TNFRSF10D: variants seen among roughly 807,000 people sequenced by gnomAD.
The protein encoded by TNFRSF10D is TNF receptor superfamily member 10d, also known as tumor necrosis factor receptor superfamily member 10D.
TNFRSF10D carries 28 observed loss-of-function variants against 42.1 expected under a neutral mutation model. The observed-to-expected ratio is 0.66, with a 90% CI of 0.49 to 0.91. The LOEUF is 0.91. TNFRSF10D is among the 40% of genes least tolerant of loss of function. The pLI is 0.00. For missense variants in TNFRSF10D, 503 were observed against 486.1 expected (o/e 1.03, Z -0.33); for synonymous variants, 186 against 189.4 (o/e 0.98, Z 0.15).
chr8:23,154,962 G>T lies in TNFRSF10D; in HGVS notation c.168C>A (p.Ala56=), dbSNP rs767860773. Residue 56 remains alanine, a synonymous_variant, in exon 2 of 9, where the codon GCC becomes GCA. Coordinates refer to ENST00000312584, the MANE Select transcript of TNFRSF10D (RefSeq NM_003840.5). ...GAACTTCGTCCTGCCGGGGGATGGT[G>T]GCAGAGTCAACCCGGACCTGTGGGG... ...AVLLPVRVDS[A]TIPRQDEVPQ... 1.2e-6 allele frequency: 2 copies of T among 1,612,520 alleles called. No homozygotes were observed. The highest frequency in any genetic ancestry group is 1.7e-6 in the Non-Finnish European group (2 of 1,179,288).
chr8:23,161,460 G>A, intron 1 of TNFRSF10D, among the ~76,000 whole-genome samples: 1 of 152,362 alleles, frequency 6.6e-6, no homozygotes, highest in East Asian at 1.9e-4. Context: ...CTCATCTGAT[G>A]TCCTCCTGAC....
In TNFRSF10D at chr8:23,144,556, C is replaced by T; in HGVS notation, c.848G>A (p.Arg283Lys). ...DNARNETLSN[R>K]YLQPTQVSEQ... ...AGAGACCTGGGTGGGCTGCAAGTATCTGTTACTCAGGGTCTCGTTGCGGGC... is the reference window on the plus strand; with the variant it reads ...AGAGACCTGGGTGGGCTGCAAGTATTTGTTACTCAGGGTCTCGTTGCGGGC... The change falls in exon 7 of 9, where the codon AGA (arginine) becomes AAA (lysine). Residue 283 changes from arginine to lysine, a missense_variant. Transcript: ENST00000312584. 6.2e-7 allele frequency: 1 copy of T among 1,614,208 alleles called. No individual in the cohort carries two copies. The highest frequency in any genetic ancestry group is 1.1e-5 in the South Asian group (1 of 91,084).
intron 2 of TNFRSF10D, among the ~76,000 whole-genome samples, chr8:23,150,704 C>A (rs113576068): frequency 6.1e-3 from 929 of 151,976 alleles, no homozygotes; most frequent in African/African-American, 0.019. Flanking sequence ...TATACACAGA[C>A]AACATAATAA....
chr8:23,154,970 C>G lies in TNFRSF10D; in HGVS notation c.160G>C (p.Asp54His), dbSNP rs1379022722. 6.2e-7 allele frequency: 1 copy of G among 1,610,890 alleles called. No homozygotes were observed. The highest frequency in any genetic ancestry group is 8.5e-7 in the Non-Finnish European group (1 of 1,178,418). The change falls in exon 2 of 9, where the codon GAC (aspartate) becomes CAC (histidine). Residue 54 changes from aspartate to histidine, a missense_variant. Transcript: ENST00000312584. ...TCCTGCCGGGGGATGGTGGCAGAGT[C>G]AACCCGGACCTGTGGGGACAAGGCA... The part of the protein sequence containing the change: ...IVAVLLPVRV[D>H]SATIPRQDEV...
At chr8:23,163,718 CT>C (rs1342472977) in intron 1 of TNFRSF10D, 67 bp downstream of exon 1, 3 of 1,565,646 alleles carry the variant, frequency 1.9e-6, no homozygotes. Flanking sequence ...CCGTGTCCCC[CT>C]CTCTCCCTGC....
intron 1 of TNFRSF10D, among the ~76,000 whole-genome samples, chr8:23,163,416 T>TGAACGAACGAAC (rs35466375): frequency 6.6e-6 from 1 of 150,576 alleles, no homozygotes; most frequent in Non-Finnish European, 1.5e-5. Context: ...GTTAACGTTA[T>TGAACGAACGAAC]GAACGAACGA....
Position 23,135,794 on chromosome 8 carries a change from C to A in TNFRSF10D, c.*2076G>T. On this transcript the variant is annotated 3_prime_UTR_variant, in exon 9 of 9. Coordinates refer to ENST00000312584, the MANE Select transcript of TNFRSF10D (RefSeq NM_003840.5). ...ACTGATAAGGCTGGTAGTCTAGATGCATCTTCAAGGAAGGCCTCTGAGGAA... is the reference window on the plus strand; with the variant it reads ...ACTGATAAGGCTGGTAGTCTAGATGAATCTTCAAGGAAGGCCTCTGAGGAA... 1 of 430,978 alleles carries A rather than the reference C, an allele frequency of 2.3e-6. No individual in the cohort carries two copies. Among genetic ancestry groups the A allele is most frequent in the South Asian group, 1.7e-5 (1 of 60,166 alleles). 26.7% of individuals were successfully genotyped at this position (430,978 alleles called of 1,614,324 possible).
At chr8:23,151,145 AT>A (rs1378369457) in intron 2 of TNFRSF10D, among the ~76,000 whole-genome samples, 1 of 152,220 alleles carries the variant, frequency 6.6e-6, no homozygotes, top group Non-Finnish European at 1.5e-5. Context: ...GGCAAAGAGA[AT>A]TTTGAAACCA....
intron 1 of TNFRSF10D, among the ~76,000 whole-genome samples, chr8:23,163,360 C>T (rs1177230349): frequency 6.6e-6 from 1 of 152,194 alleles, no homozygotes; most frequent in Non-Finnish European, 1.5e-5. Context: ...GCCTCGGCCT[C>T]CCAACGTGCT....
At chr8:23,142,132 A>G (rs1421562081) in intron 7 of TNFRSF10D, among the ~76,000 whole-genome samples, 2 of 152,130 alleles carry the variant, frequency 1.3e-5, no homozygotes, top group South Asian at 2.1e-4. Flanking sequence ...TTAGCCGGGT[A>G]TGGTGGCACA....
intron 1 of TNFRSF10D, among the ~76,000 whole-genome samples, chr8:23,163,355 G>A (rs913169363): frequency 2.0e-5 from 3 of 152,002 alleles, no homozygotes; most frequent in Non-Finnish European, 4.4e-5. Flanking sequence ...CGCCCGCCTC[G>A]GCCTCCCAAC....
At chr8:23,152,932 CAAAA>C (rs1800228819) in intron 2 of TNFRSF10D, among the ~76,000 whole-genome samples, 1 of 151,972 alleles carries the variant, frequency 6.6e-6, no homozygotes, top group African/African-American at 2.4e-5. Flanking sequence ...GCAAAACAAA[CAAAA>C]AGAACAATGA....
chr8:23,151,334 CTT>C (rs1800210019), intron 2 of TNFRSF10D, among the ~76,000 whole-genome samples: 1 of 149,768 alleles, frequency 6.7e-6, no homozygotes, highest in Admixed American at 6.7e-5. Flanking sequence ...GCAGTAAAGA[CTT>C]TATCAGACAA....
At chr8:23,155,024 T>TA in intron 1 of TNFRSF10D, 45 bp from the exon 2 acceptor site, 2 of 1,456,254 alleles carry the variant, frequency 1.4e-6, no homozygotes, top group Non-Finnish European at 9.3e-7. Context: ...TTCCAGACCT[T>TA]ACCTCTCCCA....
intron 2 of TNFRSF10D, among the ~76,000 whole-genome samples, chr8:23,152,426 G>A (rs1800223445): frequency 6.6e-6 from 1 of 152,180 alleles, no homozygotes; most frequent in Non-Finnish European, 1.5e-5. Flanking sequence ...GACAACACCT[G>A]CAAAGAAGGT....
At chr8:23,159,892 C>T (rs984267065) in intron 1 of TNFRSF10D, among the ~76,000 whole-genome samples, 36 of 152,150 alleles carry the variant, frequency 2.4e-4, no homozygotes, top group African/African-American at 8.2e-4. Context: ...GTGCTTTTCT[C>T]CTGTGTACCT....
intron 7 of TNFRSF10D, among the ~76,000 whole-genome samples, chr8:23,142,532 T>C (rs1056899711): frequency 6.6e-6 from 1 of 152,164 alleles, no homozygotes; most frequent in Non-Finnish European, 1.5e-5. Context: ...CATTTATAAG[T>C]AGTAGCTAAA....
At chr8:23,145,006 G>A in intron 6 of TNFRSF10D, 52 bp downstream of exon 6, 2 of 1,613,716 alleles carry the variant, frequency 1.2e-6, no homozygotes, top group Admixed American at 1.7e-5. Flanking sequence ...CAGTGGATGG[G>A]AAGCAGTTCC....
Position 23,138,327 on chromosome 8 carries a change from C to T in TNFRSF10D, c.955-67G>A. On this transcript the variant is annotated intron_variant, in intron 7 of 8. Coordinates refer to ENST00000312584, the MANE Select transcript of TNFRSF10D (RefSeq NM_003840.5). ...TCCTGCAGTCTAGTACTGACCCTGA[C>T]CACTAGCCAGCAAGAGACCTGCAGC... 9 of 1,566,636 alleles carry T rather than the reference C, an allele frequency of 5.7e-6. No individual in the cohort carries two copies. In the South Asian group the frequency reaches 7.8e-5, roughly 14 times the overall value.
Sources: allele counts gnomAD v4.1 joint callset (sites outside exome capture counted in the v4.1 genomes callset), GRCh38; gene constraint gnomAD v4.1.1; transcripts MANE v1.5; gene names NCBI Gene and HGNC (gene_info 2026-07-23, HGNC 2026-07-21).